The following YTHDC2 variants were observed in gnomAD, a reference collection of about 807,000 sequenced individuals.
The protein encoded by YTHDC2 is 3'-5' RNA helicase YTHDC2.
YTHDC2 carries 45 observed loss-of-function variants against 174.9 expected under a neutral mutation model. The ratio of observed to expected loss-of-function variants is 0.26; its 90% confidence interval spans 0.20 to 0.33. YTHDC2 has a LOEUF of 0.33. Ranked by LOEUF, YTHDC2 falls within the 10% of genes least tolerant of loss-of-function variation. YTHDC2 has a pLI of 1.00. For synonymous variants in YTHDC2, 657 were observed against 574.5 expected (o/e 1.14, Z -2.05); for missense variants, 1,650 against 1,723.7 (o/e 0.96, Z 0.76).
At chr5:113,520,155 GTTT>G (rs1379168061) in intron 2 of YTHDC2, among the ~76,000 whole-genome samples, 1 of 152,092 alleles carries the variant, frequency 6.6e-6, no homozygotes, top group Non-Finnish European at 1.5e-5. Context: ...GTAGTGTTTG[GTTT>G]TCTGTTCCTG....
Position 113,531,482 on chromosome 5 carries a change from T to G in YTHDC2, c.676-1397T>G, listed in dbSNP as rs150352785. On this transcript the variant is annotated intron_variant, in intron 4 of 29. Coordinates refer to ENST00000161863, the MANE Select transcript of YTHDC2 (RefSeq NM_022828.5). Reference sequence around the variant, plus strand: ...AGCAATTATGTGGTCCTAAGACCAATTAAAGGTTGGTCTTAGGACCACATG... The same window carrying G: ...AGCAATTATGTGGTCCTAAGACCAAGTAAAGGTTGGTCTTAGGACCACATG... Among the ~76,000 whole-genome samples, 485 of 152,226 alleles carry G rather than the reference T, an allele frequency of 3.2e-3. 2 individuals are homozygous for G. Among genetic ancestry groups the G allele is most frequent in the Non-Finnish European group, 5.8e-3 (393 of 67,990 alleles).
At chr5:113,526,846 T>A (rs1241333302) in intron 4 of YTHDC2, 61 bp downstream of exon 4, 2 of 377,858 alleles carry the variant, frequency 5.3e-6, no homozygotes, top group African/African-American at 2.2e-5. Flanking sequence ...TATATATATA[T>A]ATAGTCCCAT....
chr5:113,594,905 G>C lies in YTHDC2; in HGVS notation c.*1431G>C, dbSNP rs898989951. On this transcript the variant is annotated 3_prime_UTR_variant, in exon 30 of 30. Transcript: ENST00000161863. ...ATATAGTGGTGCATTAGTTTAGAAA[G>C]TCAGCTATGATTTTGCCTATAGTTC... The C allele has an allele frequency of 6.6e-6, 1 of 152,156 alleles. No individual in the cohort carries two copies. The highest frequency in any genetic ancestry group is 1.5e-5 in the Non-Finnish European group (1 of 68,014). 9.4% of individuals were successfully genotyped at this position (152,156 alleles called of 1,614,324 possible).
chr5:113,553,727 A>T (rs1293202035), intron 14 of YTHDC2, 40 bp from the exon 15 acceptor site: 3 of 1,612,800 alleles, frequency 1.9e-6, no homozygotes, highest in Middle Eastern at 1.7e-4. Context: ...AAAATAACGG[A>T]CAGGTCTTAT....
intron 7 of YTHDC2, among the ~76,000 whole-genome samples, chr5:113,537,352 G>GCT (rs1332948251): frequency 2.9e-5 from 4 of 138,938 alleles, no homozygotes; most frequent in African/African-American, 2.9e-5. Flanking sequence ...TTTATGGTTG[G>GCT]CTCTCTCTCT....
At chr5:113,528,457 T>C (rs1774434743) in intron 4 of YTHDC2, among the ~76,000 whole-genome samples, 1 of 152,238 alleles carries the variant, frequency 6.6e-6, no homozygotes, top group Admixed American at 6.5e-5. Flanking sequence ...TTTGAATATT[T>C]TTTCTTATTT....
intron 3 of YTHDC2, among the ~76,000 whole-genome samples, 183 bp from the exon 4 acceptor site, chr5:113,526,403 A>G (rs989889882): frequency 2.6e-5 from 4 of 152,266 alleles, no homozygotes; most frequent in African/African-American, 7.2e-5. Context: ...TAAGAGTACA[A>G]TTGAGATATT....
intron 8 of YTHDC2, 77 bp downstream of exon 8, chr5:113,539,258 G>A (rs911412091): frequency 1.9e-6 from 1 of 537,878 alleles, no homozygotes; most frequent in African/African-American, 2.0e-5. Context: ...CTTACATTGT[G>A]GAGGTACAAG....
chr5:113,588,630 TA>T (rs1172731483), intron 26 of YTHDC2, among the ~76,000 whole-genome samples: 13 of 142,536 alleles, frequency 9.1e-5, no homozygotes, highest in African/African-American at 2.7e-4. Flanking sequence ...TTATTTATAT[TA>T]TTTTTTTTTG....
At chr5:113,562,272 G>A (rs932491930) in intron 18 of YTHDC2, among the ~76,000 whole-genome samples, 9 of 143,834 alleles carry the variant, frequency 6.3e-5, no homozygotes, top group African/African-American at 2.4e-4. Context: ...TTGTGGGTGT[G>A]TGTGGGTGTG....
chr5:113,567,373 A>C (rs1474061049), intron 22 of YTHDC2, 76 bp downstream of exon 22: 1 of 1,047,384 alleles, frequency 9.5e-7, no homozygotes, highest in South Asian at 2.5e-5. Context: ...AAAATGCTCC[A>C]AATACCTGCC....
intron 4 of YTHDC2, among the ~76,000 whole-genome samples, chr5:113,531,151 A>G (rs1021035549): frequency 6.6e-6 from 1 of 152,032 alleles, no homozygotes; most frequent in Non-Finnish European, 1.5e-5. Context: ...AAAATGATAC[A>G]CTTATCTTCT....
Position 113,581,544 on chromosome 5 carries a change from G to C in YTHDC2, c.3482G>C (p.Ser1161Thr). 2 of 1,613,978 alleles carry C rather than the reference G, an allele frequency of 1.2e-6. No homozygotes were observed. Among genetic ancestry groups the C allele is most frequent in the Non-Finnish European group, 1.7e-6 (2 of 1,179,896 alleles). Residue 1161 changes from serine to threonine, a missense_variant, in exon 25 of 30, where the codon AGC becomes ACC. By Grantham distance (58) the Ser-to-Thr change is moderately conservative. Around this residue, in one of 5 missense-constraint regions of YTHDC2, gnomAD observed 913 missense variants for 940.4 expected, o/e 0.97. Coordinates refer to ENST00000161863, the MANE Select transcript of YTHDC2 (RefSeq NM_022828.5). Reference protein sequence around the residue: ...ATIRAIIAVLSTEEQSAGLQQ... With the variant: ...ATIRAIIAVLTTEEQSAGLQQ... The stretch of plus-strand genomic sequence containing the variant: ...ATAAGAGCAATTATAGCTGTTTTAA[G>C]CACTGAAGAACAGTCTGCAGGTTTA...
chr5:113,544,567 T>C (rs149921468), intron 10 of YTHDC2, among the ~76,000 whole-genome samples: 2,853 of 152,342 alleles, frequency 0.019, 38 homozygotes, highest in Non-Finnish European at 0.03. Flanking sequence ...GTTAACTTTT[T>C]AGTATGTTGA....
intron 23 of YTHDC2, among the ~76,000 whole-genome samples, chr5:113,569,654 A>G (rs1367227854): frequency 1.3e-5 from 2 of 152,096 alleles, no homozygotes; most frequent in Admixed American, 6.6e-5. Flanking sequence ...AGACGGTTGT[A>G]AGTGTGTGGT....
chr5:113,564,089 A>C lies in YTHDC2; in HGVS notation c.2673A>C (p.Ala891=). The C allele has an allele frequency of 1.2e-6, 2 of 1,614,178 alleles. No homozygotes were observed. The highest frequency in any genetic ancestry group is 1.7e-6 in the Non-Finnish European group (2 of 1,180,020). ...TGCTTTGTAGGAAACGTTTTACTGC[A>C]GGAGCTTTCAGTGACCATATGGCAC... ...AAMLCRKRFT[A]GAFSDHMALL... The change falls in exon 20 of 30, where the codon GCA becomes GCC. Residue 891 remains alanine (A), a synonymous_variant. Coordinates refer to ENST00000161863, the MANE Select transcript of YTHDC2 (RefSeq NM_022828.5).
At chr5:113,515,945 A>G (rs770775607) in intron 2 of YTHDC2, among the ~76,000 whole-genome samples, 1 of 152,144 alleles carries the variant, frequency 6.6e-6, no homozygotes, top group Non-Finnish European at 1.5e-5. Flanking sequence ...TTCTCTTGTT[A>G]AGAATAGTCC....
In YTHDC2 at chr5:113,567,661, C is replaced by A. The variant is rs145589351; in HGVS notation, c.3056C>A (p.Pro1019Gln). 6.3e-7 allele frequency: 1 copy of A among 1,592,296 alleles called. No individual in the cohort carries two copies. The highest frequency in any genetic ancestry group is 1.8e-5 in the Admixed American group (1 of 54,376). The change falls in exon 23 of 30, where the codon CCA becomes CAA. Residue 1019 changes from proline to glutamine, a missense_variant. Coordinates refer to ENST00000161863, the MANE Select transcript of YTHDC2 (RefSeq NM_022828.5). Reference protein sequence around the residue: ...LSQPQYKKIPPANGQAAAIKA... With the variant: ...LSQPQYKKIPQANGQAAAIKA... Reference sequence around the variant, plus strand: ...AATTTATTTTCTTAATAGATTCCTCCAGCCAATGGTCAAGCTGCAGCAATT... The same window carrying A: ...AATTTATTTTCTTAATAGATTCCTCAAGCCAATGGTCAAGCTGCAGCAATT...
rs988612649 is a variant in YTHDC2, at chr5:113,580,369, A to C, written c.3354+674A>C. On this transcript the variant is annotated intron_variant, in intron 24 of 29. Transcript: ENST00000161863. ...TTTGTGTAACTGTGTTTTCTGAGAGAAAGATATGATTCCATACTATTTTCT... is the reference window on the plus strand; with the variant it reads ...TTTGTGTAACTGTGTTTTCTGAGAGCAAGATATGATTCCATACTATTTTCT... Among the ~76,000 whole-genome samples, 4 of 152,268 alleles carry C rather than the reference A, an allele frequency of 2.6e-5. No homozygotes were observed. The East Asian group carries it at 7.7e-4, about 29-fold the overall frequency.
Sources: allele counts gnomAD v4.1 joint callset (sites outside exome capture counted in the v4.1 genomes callset), GRCh38; gene constraint gnomAD v4.1.1; regional missense constraint gnomAD v4.1.1; transcripts MANE v1.5; gene names NCBI Gene and HGNC (gene_info 2026-07-23, HGNC 2026-07-21).